Variants in LMO4 observed in about 807,000 individuals in gnomAD.
LMO4 encodes the protein LIM domain only 4, also known as LIM domain transcription factor LMO4.
In LMO4, 3 loss-of-function variants were observed where a neutral mutation model predicts 18.5. The ratio of observed to expected loss-of-function variants is 0.16; its 90% CI spans 0.07 to 0.42. The LOEUF (loss-of-function observed/expected upper bound fraction) is 0.42, where lower values mean the gene tolerates loss of function less well. Among genes scored for constraint, LMO4 ranks in the 10% least tolerant of loss-of-function variants. LMO4 has a pLI of 0.99. For synonymous variants in LMO4, 100 were observed against 88.1 expected, an observed-to-expected ratio of 1.14 and a Z score of -0.76; for missense variants, 121 against 219.9, an observed-to-expected ratio of 0.55 and a Z score of 2.84.
At chr1:87,330,668 G>A (rs567660371) in intron 1 of LMO4, among the ~76,000 whole-genome samples, 18 of 152,226 alleles carry the variant, frequency 1.2e-4, no homozygotes, top group African/African-American at 4.3e-4. Flanking sequence ...AGTTGGGCCG[G>A]GTACAGGCAA....
intron 1 of LMO4, 54 bp from the exon 2 acceptor site, chr1:87,331,959 T>G: frequency 7.1e-7 from 1 of 1,418,216 alleles, no homozygotes; most frequent in South Asian, 1.2e-5. Flanking sequence ...TTACTAACTT[T>G]TGCATCGCCC....
intron 2 of LMO4, among the ~76,000 whole-genome samples, chr1:87,335,209 T>A (rs1396020827): frequency 1.3e-5 from 2 of 152,176 alleles, no homozygotes; most frequent in Non-Finnish European, 1.5e-5. Context: ...GAAACTCCGT[T>A]TCTCTTCCTC....
intron 2 of LMO4, among the ~76,000 whole-genome samples, chr1:87,333,783 C>T (rs1382963453): frequency 6.6e-6 from 1 of 152,094 alleles, no homozygotes; most frequent in Non-Finnish European, 1.5e-5. Flanking sequence ...GTAATGCTTT[C>T]TGGTCCTCCT....
intron 4 of LMO4, among the ~76,000 whole-genome samples, chr1:87,340,959 A>G (rs1557616203): frequency 6.6e-6 from 1 of 152,328 alleles, no homozygotes; most frequent in South Asian, 2.1e-4. Context: ...TTGGTGATCA[A>G]CAGTTGTCCA....
At chr1:87,343,037 T>A (rs1000931222) in intron 4 of LMO4, among the ~76,000 whole-genome samples, 4 of 152,200 alleles carry the variant, frequency 2.6e-5, no homozygotes, top group Admixed American at 6.5e-5. Flanking sequence ...CAGAATCAAT[T>A]ACATTTTTGG....
intron 2 of LMO4, among the ~76,000 whole-genome samples, chr1:87,335,937 CT>C (rs1271800992): frequency 6.7e-6 from 1 of 150,260 alleles, no homozygotes; most frequent in Non-Finnish European, 1.5e-5. Flanking sequence ...GAACGTTTAT[CT>C]TGATTTGTCA....
chr1:87,335,636 G>T (rs1410451409), intron 2 of LMO4, among the ~76,000 whole-genome samples: 2 of 152,212 alleles, frequency 1.3e-5, no homozygotes, highest in Middle Eastern at 3.4e-3. Flanking sequence ...GTTTGGGTAG[G>T]GGGTGGCGTT....
intron 2 of LMO4, among the ~76,000 whole-genome samples, chr1:87,339,117 C>T (rs542933482): frequency 6.6e-6 from 1 of 152,262 alleles, no homozygotes; most frequent in South Asian, 2.1e-4. Context: ...ACAATCAAAT[C>T]CTCTTAACCC....
At chr1:87,339,126 C>T (rs1570653441) in intron 2 of LMO4, among the ~76,000 whole-genome samples, 1 of 152,262 alleles carries the variant, frequency 6.6e-6, no homozygotes, top group South Asian at 2.1e-4. Flanking sequence ...TCCTCTTAAC[C>T]CTTTTGATGA....
At chr1:87,338,152 G>A (rs1027992580) in intron 2 of LMO4, among the ~76,000 whole-genome samples, 2 of 152,104 alleles carry the variant, frequency 1.3e-5, no homozygotes, top group Non-Finnish European at 2.9e-5. Context: ...ATAAAGTGGC[G>A]ACAGCAAATT....
intron 2 of LMO4, among the ~76,000 whole-genome samples, chr1:87,335,993 T>A (rs1474520873): frequency 6.6e-6 from 1 of 151,978 alleles, no homozygotes; most frequent in East Asian, 1.9e-4. Flanking sequence ...GGGGCAGATC[T>A]GTTACTCTGA....
chr1:87,340,245 T>G, intron 4 of LMO4, 43 bp downstream of exon 4: 1 of 1,600,870 alleles, frequency 6.2e-7, no homozygotes, highest in Admixed American at 1.7e-5. Flanking sequence ...TAGAGCAAGT[T>G]GGAAGGTTCA....
chr1:87,330,198 T>TGA, intron 1 of LMO4, among the ~76,000 whole-genome samples: 1 of 145,996 alleles, frequency 6.8e-6, no homozygotes, highest in African/African-American at 2.6e-5. Flanking sequence ...TGTTTCCTTT[T>TGA]CAAAAAAAAA....
chr1:87,340,014 CT>C (rs1322177429), intron 3 of LMO4, 32 bp from the exon 4 acceptor site: 1 of 1,602,368 alleles, frequency 6.2e-7, no homozygotes, highest in East Asian at 2.2e-5. Context: ...TAATTTTTAC[CT>C]TGTTTTCAGT....
rs747959204 is a variant in LMO4 at position 87,339,584 on chromosome 1, T to C, written c.285T>C (p.Pro95=). ...GACSACGQSI[P]ASELVMRAQG... is the part of the protein sequence containing the mutation. ...GCAGCGCTTGCGGACAGTCGATTCC[T>C]GCGAGTGAACTCGTCATGAGGGCGC... Residue 95 remains proline, a synonymous_variant, in exon 3 of 5, where the codon CCT becomes CCC. Transcript: ENST00000370544. The C allele has an allele frequency of 1.4e-5, 22 of 1,613,946 alleles. No individual in the cohort carries two copies. The Admixed American group carries it at 3.3e-4, about 24-fold the overall frequency.
chr1:87,336,078 TGGTGCTTTTAA>T (rs1457198276), intron 2 of LMO4, among the ~76,000 whole-genome samples: 1 of 135,528 alleles, frequency 7.4e-6, no homozygotes, highest in African/African-American at 3.1e-5. Context: ...CAATAGCTTC[TGGTGCTTTTAA>T]GGTGCCTGGT....
chr1:87,340,016 T>C (rs1209054780), intron 3 of LMO4, 31 bp from the exon 4 acceptor site: 4 of 1,603,906 alleles, frequency 2.5e-6, no homozygotes, highest in Non-Finnish European at 2.6e-6. Flanking sequence ...ATTTTTACCT[T>C]GTTTTCAGTG....
intron 2 of LMO4, among the ~76,000 whole-genome samples, chr1:87,334,556 G>A (rs1650244267): frequency 6.6e-6 from 1 of 152,184 alleles, no homozygotes; most frequent in African/African-American, 2.4e-5. Context: ...CTCGCCCGCC[G>A]CCAGGTGAAG....
chr1:87,339,985 TTG>T lies in LMO4; in HGVS notation c.334-59_334-58del, dbSNP rs1231691615. ...ACCTGCTTAATAACAGGTTATAAAC[TTG>T]TGACCAAAAAAAGACTTAATTTTTA... On this transcript the variant is annotated intron_variant, in intron 3 of 4. Transcript: ENST00000370544. The T allele has an allele frequency of 1.5e-5, 24 of 1,558,386 alleles. No homozygotes were observed. In the Admixed American group the frequency reaches 1.6e-4, roughly 10 times the overall value.
Sources: allele counts gnomAD v4.1 joint callset (sites outside exome capture counted in the v4.1 genomes callset), GRCh38; gene constraint gnomAD v4.1.1; transcripts MANE v1.5; gene names NCBI Gene and HGNC (gene_info 2026-07-23, HGNC 2026-07-21).